SCFD2: variants seen among roughly 807,000 people sequenced by gnomAD.
The protein encoded by SCFD2 is sec1 family domain-containing protein 2.
In SCFD2, 54 loss-of-function variants were observed where a neutral mutation model predicts 58.9. The observed-to-expected ratio is 0.92, with a 90% CI of 0.74 to 1.15. The LOEUF (loss-of-function observed/expected upper bound fraction) is 1.15. Among genes scored for constraint, SCFD2 ranks in the 50% most tolerant of loss-of-function variants. SCFD2 has a pLI of 0.00. For synonymous variants in SCFD2, 321 were observed against 335.9 expected (o/e 0.96, Z 0.49); for missense variants, 805 against 836.6 (o/e 0.96, Z 0.47).
At chr4:53,069,708 T>C (rs1283577196) in intron 5 of SCFD2, among the ~76,000 whole-genome samples, 2 of 152,070 alleles carry the variant, frequency 1.3e-5, no homozygotes, top group African/African-American at 4.8e-5. Flanking sequence ...AAAAAATCTA[T>C]ACAATATAGA....
intron 3 of SCFD2, among the ~76,000 whole-genome samples, chr4:53,308,867 A>C (rs1392426833): frequency 6.6e-6 from 1 of 152,306 alleles, no homozygotes; most frequent in East Asian, 1.9e-4. Flanking sequence ...ACGATGGCTC[A>C]CGCCTGTAAT....
At chr4:53,333,952 A>G (rs1278006019) in intron 2 of SCFD2, among the ~76,000 whole-genome samples, 3 of 146,594 alleles carry the variant, frequency 2.0e-5, no homozygotes, top group African/African-American at 7.6e-5. Context: ...ACATGAGCAG[A>G]CACTTCTCAA....
intron 4 of SCFD2, among the ~76,000 whole-genome samples, chr4:53,153,261 C>T (rs1726566915): frequency 6.6e-6 from 1 of 152,220 alleles, no homozygotes; most frequent in South Asian, 2.1e-4. Context: ...GCCTGGGCAT[C>T]CAGGCTTTCC....
At chr4:52,887,401 A>G (rs951871178) in intron 7 of SCFD2, among the ~76,000 whole-genome samples, 4 of 152,150 alleles carry the variant, frequency 2.6e-5, no homozygotes, top group Non-Finnish European at 4.4e-5. Context: ...CAAAGTAACC[A>G]CTCAGGAAAT....
intron 4 of SCFD2, among the ~76,000 whole-genome samples, chr4:53,239,860 A>G (rs374268761): frequency 6.6e-6 from 1 of 152,300 alleles, no homozygotes; most frequent in Admixed American, 6.5e-5. Flanking sequence ...GCTATCAGCA[A>G]TCCACTCATA....
chr4:53,225,868 T>G (rs1417142931), intron 4 of SCFD2, among the ~76,000 whole-genome samples: 3 of 152,224 alleles, frequency 2.0e-5, no homozygotes, highest in African/African-American at 7.2e-5. Flanking sequence ...CCTTTGTGAT[T>G]AATGTCATGG....
At chr4:53,148,074 A>T (rs1174520665) in intron 4 of SCFD2, among the ~76,000 whole-genome samples, 1 of 152,196 alleles carries the variant, frequency 6.6e-6, no homozygotes, top group East Asian at 1.9e-4. Flanking sequence ...AGATTCTTTC[A>T]TTGCTTTATG....
At chr4:53,250,958 T>G (rs1275415321) in intron 4 of SCFD2, among the ~76,000 whole-genome samples, 2 of 152,192 alleles carry the variant, frequency 1.3e-5, no homozygotes, top group African/African-American at 2.4e-5. Flanking sequence ...ATCCAGGAGC[T>G]GGTTTTTTGA....
intron 5 of SCFD2, among the ~76,000 whole-genome samples, chr4:53,113,701 GA>G (rs1056485222): frequency 6.1e-4 from 92 of 151,940 alleles, no homozygotes; most frequent in African/African-American, 2.1e-3. Context: ...TTCACTTCTG[GA>G]ACCCTAGCAC....
chr4:52,916,399 G>T (rs1221863235), intron 6 of SCFD2, among the ~76,000 whole-genome samples: 1 of 152,206 alleles, frequency 6.6e-6, no homozygotes, highest in Non-Finnish European at 1.5e-5. Context: ...GCGAAACCCT[G>T]TCTCTACTAA....
chr4:53,304,445 C>T (rs1324955752), intron 3 of SCFD2, among the ~76,000 whole-genome samples: 3 of 152,070 alleles, frequency 2.0e-5, no homozygotes, highest in African/African-American at 7.2e-5. Flanking sequence ...TCCATTCTCC[C>T]CATCACTTTG....
intron 1 of SCFD2, among the ~76,000 whole-genome samples, chr4:53,364,858 C>A (rs1391874311): frequency 2.0e-5 from 3 of 152,290 alleles, no homozygotes; most frequent in African/African-American, 7.2e-5. Flanking sequence ...TTTAACAAGG[C>A]AATGGGCATT....
chr4:53,108,939 C>CTGA (rs1323093244), intron 5 of SCFD2, among the ~76,000 whole-genome samples: 7 of 152,286 alleles, frequency 4.6e-5, no homozygotes, highest in African/African-American at 1.7e-4. Flanking sequence ...GCCAATATCC[C>CTGA]TGATGAACAT....
Position 52,959,897 on chromosome 4 carries a change from A to AACACACAC in SCFD2, c.1562-39035_1562-39028dup, listed in dbSNP as rs10529140. Among the ~76,000 whole-genome samples the AACACACAC allele has an allele frequency of 1.2e-3, 169 of 138,202 alleles. 1 individual carries two copies. Among genetic ancestry groups the AACACACAC allele is most frequent in the African/African-American group, 3.8e-3 (139 of 36,974 alleles). The allele number at this position is 138,202 out of a possible 152,430, so 90.7% of individuals were successfully genotyped here. ...GAGGAAGAGAGAGACTCCAAATTGA[A>AACACACAC]ACACACACACACACACACACACACA... On this transcript the variant is annotated intron_variant, in intron 5 of 8. Transcript: ENST00000401642.
chr4:52,926,408 G>A (rs35293096), intron 5 of SCFD2, among the ~76,000 whole-genome samples: 6 of 151,998 alleles, frequency 3.9e-5, no homozygotes, highest in Non-Finnish European at 7.4e-5. Context: ...ACACGCACGC[G>A]TGCGCACCTG....
At chr4:53,079,393 C>T (rs1163223557) in intron 5 of SCFD2, among the ~76,000 whole-genome samples, 8 of 152,110 alleles carry the variant, frequency 5.3e-5, no homozygotes, top group South Asian at 2.1e-4. Context: ...CACAGACAAA[C>T]GCAGAAAAAA....
At chr4:53,029,518 T>C (rs1335533962) in intron 5 of SCFD2, among the ~76,000 whole-genome samples, 1 of 152,224 alleles carries the variant, frequency 6.6e-6, no homozygotes, top group Non-Finnish European at 1.5e-5. Context: ...AACTTGAATT[T>C]AACTAAAAGA....
chr4:53,076,558 C>T lies in SCFD2; in HGVS notation c.1561+68775G>A, dbSNP rs372214166. 5.3e-5 allele frequency among the ~76,000 whole-genome samples: 8 copies of T among 151,972 alleles called. 1 individual carries two copies. The South Asian group carries it at 1.2e-3, about 24-fold the overall frequency. Reference sequence around the variant, plus strand: ...TGATATCTAGTTGGCCTTGTGTCCTCGTAACTGTCAGGAGCAGAGGTGTTG... The same window carrying T: ...TGATATCTAGTTGGCCTTGTGTCCTTGTAACTGTCAGGAGCAGAGGTGTTG... On this transcript the variant is annotated intron_variant, in intron 5 of 8. Transcript: ENST00000401642.
chr4:53,207,574 TTA>T lies in SCFD2; in HGVS notation c.1312-61994_1312-61993del, dbSNP rs375890349. 2.6e-3 allele frequency among the ~76,000 whole-genome samples: 64 copies of T among 24,154 alleles called. 2 individuals carry two copies. Among genetic ancestry groups the T allele is most frequent in the Admixed American group, 6.8e-3 (10 of 1,474 alleles). 15.8% of individuals were successfully genotyped at this position (24,154 alleles called of 152,430 possible). A position where few individuals can be genotyped will look rare whatever the true frequency, so the allele number is the denominator to read the frequency against. On this transcript the variant is annotated intron_variant, in intron 4 of 8. Coordinates refer to ENST00000401642, the MANE Select transcript of SCFD2 (RefSeq NM_152540.4). The stretch of plus-strand genomic sequence containing the variant: ...TATTTATATATAATATATATAATAT[TTA>T]TATATATATAATATATATATAATAT...
Sources: gnomAD v4.1 joint callset for allele counts (sites outside exome capture counted in the v4.1 genomes callset) on GRCh38, gnomAD v4.1.1 for gene constraint, MANE v1.5 for transcripts, NCBI Gene and HGNC (gene_info 2026-07-23, HGNC 2026-07-21) for gene names.